The following RBM47 variants were observed in gnomAD, a reference collection of about 807,000 sequenced individuals.
The protein encoded by RBM47 is RNA-binding protein 47.
Under a neutral mutation model 47.1 loss-of-function variants are expected in RBM47, and 21 were observed. The observed-to-expected ratio is 0.45, with a 90% confidence interval of 0.32 to 0.64. The LOEUF (loss-of-function observed/expected upper bound fraction) is 0.64. Among genes scored for constraint, RBM47 ranks in the 30% least tolerant of loss-of-function variants. The pLI, the probability that RBM47 is intolerant of heterozygous loss-of-function variation, is 0.05. For missense variants in RBM47, 708 were observed against 870.9 expected (o/e 0.81, Z 2.35); for synonymous variants, 375 against 361.7 (o/e 1.04, Z -0.42).
rs539240452 is a variant in RBM47, at chr4:40,626,832, T to C, written c.-240+2564A>G. Among the ~76,000 whole-genome samples, 3 of 152,230 alleles carry C rather than the reference T, an allele frequency of 2.0e-5. No homozygotes were observed. The East Asian group carries it at 5.8e-4, about 29-fold the overall frequency. ...ATGATTCAGGACCACACACAAAAAA[T>C]GGCAGGGTGCCATTTCCCCCGAATC... On this transcript the variant is annotated intron_variant, in intron 1 of 6. Transcript: ENST00000295971.
At chr4:40,589,124 C>T (rs909038467) in intron 1 of RBM47, among the ~76,000 whole-genome samples, 2 of 150,906 alleles carry the variant, frequency 1.3e-5, no homozygotes, top group Admixed American at 6.6e-5. Context: ...CAGGCACACA[C>T]CACCATGCTC....
At chr4:40,590,735 A>G (rs2154275016) in intron 1 of RBM47, among the ~76,000 whole-genome samples, 1 of 152,368 alleles carries the variant, frequency 6.6e-6, no homozygotes, top group East Asian at 1.9e-4. Context: ...TGGACATGCC[A>G]TAACATGGAT....
chr4:40,502,865 C>T (rs557740048), intron 2 of RBM47, among the ~76,000 whole-genome samples: 224 of 150,456 alleles, frequency 1.5e-3, no homozygotes, highest in African/African-American at 5.1e-3. Context: ...GACGGCTGGG[C>T]GTGGTGGCTC....
Position 40,438,808 on chromosome 4 carries a change from G to T in RBM47, c.86C>A (p.Ala29Glu). The T allele has an allele frequency of 6.5e-7, 1 of 1,545,940 alleles. No homozygotes were observed. ...SAKVPEGVAG[A>E]PNEAALLALM... ...CGCCAGCAGTGCTGCCTCGTTGGGC[G>T]CGCCCGCCACGCCCTCGGGCACCTT... The change falls in exon 4 of 7, where the codon GCG becomes GAG. Residue 29 changes from alanine to glutamate, a missense_variant. By Grantham distance (107) the Ala-to-Glu change is moderately radical (BLOSUM62 -1). Transcript: ENST00000295971.
intron 1 of RBM47, among the ~76,000 whole-genome samples, chr4:40,554,084 C>T (rs1459003732): frequency 2.1e-5 from 3 of 141,748 alleles, no homozygotes; most frequent in African/African-American, 9.5e-5. Flanking sequence ...ATCTCCGCAA[C>T]CCCAGGACCC....
At position 40,438,219 on chromosome 4, in the gene RBM47, C is replaced by A. The variant is rs866383554; in HGVS notation, c.675G>T (p.Gln225His). 3 of 1,605,886 alleles carry A rather than the reference C, an allele frequency of 1.9e-6. No individual in the cohort carries two copies. The highest frequency in any genetic ancestry group is 2.5e-6 in the Non-Finnish European group (3 of 1,179,942). The stretch of plus-strand genomic sequence containing the variant: ...CAGGTTCGGCCCAGTCCACGGCGAT[C>A]TGGTGGCCCCACAGCTGGATGCGGC... ...MPGRIQLWGHQIAVDWAEPEI... is the reference protein window; with the variant it reads ...MPGRIQLWGHHIAVDWAEPEI... Residue 225 changes from glutamine (Q) to histidine (H), a missense_variant, in exon 4 of 7, where the codon CAG becomes CAT. Coordinates refer to ENST00000295971, the MANE Select transcript of RBM47 (RefSeq NM_001098634.2).
chr4:40,530,698 T>C (rs1277815246), intron 2 of RBM47, among the ~76,000 whole-genome samples: 2 of 152,238 alleles, frequency 1.3e-5, no homozygotes, highest in Non-Finnish European at 2.9e-5. Flanking sequence ...ATAATCTGGA[T>C]GAAAAATATG....
intron 2 of RBM47, among the ~76,000 whole-genome samples, chr4:40,541,506 G>A (rs1728537080): frequency 6.6e-6 from 1 of 152,128 alleles, no homozygotes; most frequent in African/African-American, 2.4e-5. Context: ...GGCGGCAGAG[G>A]TGGGTGGATT....
chr4:40,597,042 T>A (rs1236770826), intron 1 of RBM47, among the ~76,000 whole-genome samples: 1 of 151,982 alleles, frequency 6.6e-6, no homozygotes, highest in Non-Finnish European at 1.5e-5. Flanking sequence ...AGGCAGATCA[T>A]GAGGTCAGGA....
At chr4:40,426,388 T>A (rs1428360754) in intron 6 of RBM47, among the ~76,000 whole-genome samples, 1 of 152,194 alleles carries the variant, frequency 6.6e-6, no homozygotes, top group Non-Finnish European at 1.5e-5. Flanking sequence ...CCTGGAAGGC[T>A]GAGGGAAAGG....
At chr4:40,601,080 T>A (rs1401287247) in intron 1 of RBM47, among the ~76,000 whole-genome samples, 1 of 151,728 alleles carries the variant, frequency 6.6e-6, no homozygotes, top group Non-Finnish European at 1.5e-5. Flanking sequence ...AATGATGATG[T>A]AACCATCACC....
At position 40,436,665 on chromosome 4, in the gene RBM47, A is replaced by G; in HGVS notation, c.1124-18T>C. On this transcript the variant is annotated intron_variant, in intron 4 of 6. Transcript: ENST00000295971. Reference sequence around the variant, plus strand: ...GCTGCCTGCTTGTAATAACAACACAAAAGATGATCAGCAACCAACAGTGAC... The same window carrying G: ...GCTGCCTGCTTGTAATAACAACACAGAAGATGATCAGCAACCAACAGTGAC... The G allele has an allele frequency of 6.2e-7, 1 of 1,611,842 alleles. No individual in the cohort carries two copies. Among genetic ancestry groups the G allele is most frequent in the Non-Finnish European group, 8.5e-7 (1 of 1,178,826 alleles).
upstream of RBM47, chr4:40,630,695 G>A (rs920261473): frequency 6.6e-6 from 1 of 152,178 alleles, no homozygotes; most frequent in Admixed American, 6.5e-5. Context: ...CTGCTCTCTG[G>A]GGAGTTGGCT....
chr4:40,568,938 G>A (rs529504289), intron 1 of RBM47, among the ~76,000 whole-genome samples: 40 of 151,764 alleles, frequency 2.6e-4, no homozygotes, highest in South Asian at 4.2e-4. Context: ...CCGAGATTGC[G>A]CCATTGCACT....
At chr4:40,587,948 T>A (rs982121449) in intron 1 of RBM47, among the ~76,000 whole-genome samples, 1 of 152,216 alleles carries the variant, frequency 6.6e-6, no homozygotes, top group Non-Finnish European at 1.5e-5. Context: ...CAGGCTGCCC[T>A]CGGCTAGACA....
intron 1 of RBM47, among the ~76,000 whole-genome samples, chr4:40,559,112 A>G (rs1730373079): frequency 6.6e-6 from 1 of 152,228 alleles, no homozygotes; most frequent in Admixed American, 6.5e-5. Context: ...TCCCTATTAC[A>G]AGGTATATTA....
intron 2 of RBM47, among the ~76,000 whole-genome samples, chr4:40,484,355 G>A (rs571583973): frequency 5.9e-5 from 9 of 151,900 alleles, no homozygotes; most frequent in African/African-American, 1.9e-4. Flanking sequence ...TCTCCATTTC[G>A]ACCCATCATT....
intron 2 of RBM47, among the ~76,000 whole-genome samples, chr4:40,528,816 G>A (rs372955627): frequency 4.0e-5 from 6 of 151,380 alleles, no homozygotes; most frequent in African/African-American, 9.7e-5. Context: ...GGTGGCATGC[G>A]CCTGTGGCCA....
intron 1 of RBM47, among the ~76,000 whole-genome samples, chr4:40,596,719 G>A (rs1578039445): frequency 1.3e-5 from 2 of 152,056 alleles, no homozygotes; most frequent in African/African-American, 4.8e-5. Context: ...CACGCCTTGT[G>A]TATGAGTACA....
Sources: allele counts gnomAD v4.1 joint callset (sites outside exome capture counted in the v4.1 genomes callset), GRCh38; gene constraint gnomAD v4.1.1; transcripts MANE v1.5; gene names NCBI Gene and HGNC (gene_info 2026-07-23, HGNC 2026-07-21).